The following STRIP1 variants were observed in gnomAD, a reference collection of about 807,000 sequenced individuals.
The protein encoded by STRIP1 is striatin interacting protein 1, also known as striatin-interacting protein 1.
In STRIP1, 63 loss-of-function variants were observed where a neutral mutation model predicts 106.2. That is an observed-to-expected ratio of 0.59 (90% CI 0.48 to 0.73). STRIP1 has a LOEUF of 0.73. STRIP1 is among the 30% of genes least tolerant of loss of function. STRIP1 has a pLI of 0.00. For synonymous variants in STRIP1, 390 were observed against 413.0 expected, an observed-to-expected ratio of 0.94 and a Z score of 0.67; for missense variants, 857 against 1,074.8, an observed-to-expected ratio of 0.80 and a Z score of 2.83.
intron 12 of STRIP1, among the ~76,000 whole-genome samples, chr1:110,045,666 ACAG>A: frequency 1.3e-5 from 2 of 152,230 alleles, no homozygotes; most frequent in Middle Eastern, 6.8e-3. Flanking sequence ...GCTTAAGAAC[ACAG>A]CAGTAGTGTC....
In STRIP1 at chr1:110,043,398, C is replaced by T. The variant is rs576970472; in HGVS notation, c.1068+128C>T. On this transcript the variant is annotated intron_variant, in intron 9 of 20. Coordinates refer to ENST00000369795, the MANE Select transcript of STRIP1 (RefSeq NM_033088.4). ...TCAGCCAGTCAGAATCATGCCTCCA[C>T]AGCGAGGATACTTTGTCCCCAGCTC... 96 of 1,048,098 alleles carry T rather than the reference C, an allele frequency of 9.2e-5. No individual in the cohort carries two copies. In the South Asian group the frequency reaches 1.2e-3, roughly 13 times the overall value. The allele number at this position is 1,048,098 out of a possible 1,614,324, so 64.9% of individuals were successfully genotyped here. A position where few individuals can be genotyped will look rare whatever the true frequency, so the allele number is the denominator to read the frequency against.
chr1:110,051,283 C>G (rs1411991478), intron 19 of STRIP1, among the ~76,000 whole-genome samples: 1 of 152,212 alleles, frequency 6.6e-6, no homozygotes, highest in African/African-American at 2.4e-5. Context: ...TATAGAAGAA[C>G]TTTTTCCATG....
At chr1:110,051,475 AG>A (rs1166977668) in intron 19 of STRIP1, among the ~76,000 whole-genome samples, 1 of 152,214 alleles carries the variant, frequency 6.6e-6, no homozygotes, top group Non-Finnish European at 1.5e-5. Context: ...ACACATAGTT[AG>A]GGTGACCAAC....
chr1:110,046,528 G>T, intron 12 of STRIP1, 152 bp from the exon 13 acceptor site: 1 of 659,228 alleles, frequency 1.5e-6, no homozygotes, highest in Admixed American at 2.4e-5. Flanking sequence ...AATATCTGGG[G>T]TTTGGGATTT....
At chr1:110,039,687 A>G in intron 5 of STRIP1, 172 bp downstream of exon 5, 2 of 1,000,888 alleles carry the variant, frequency 2.0e-6, no homozygotes, top group East Asian at 2.7e-5. Flanking sequence ...CACCTTGAAG[A>G]TTAATGGAGA....
chr1:110,041,970 G>A, intron 8 of STRIP1, 109 bp downstream of exon 8: 1 of 1,286,634 alleles, frequency 7.8e-7, no homozygotes, highest in Non-Finnish European at 1.1e-6. Context: ...AAACTGCTTT[G>A]GTAAAAAAAA....
In STRIP1 at chr1:110,045,066, G is replaced by A. The variant is rs751489109; in HGVS notation, c.1404G>A (p.Lys468=). The change falls in exon 12 of 21, where the codon AAG becomes AAA. Residue 468 remains lysine, a synonymous_variant. Transcript: ENST00000369795. ...CCAGGCCAATCCACGAAAGCATCAA[G>A]ACTCTGAAACAGGTGAGTGGCTTTG... ...GLPRPIHESI[K]TLKQHKYTSI... 96 of 1,614,094 alleles carry A rather than the reference G, an allele frequency of 5.9e-5. 1 individual carries two copies. In the East Asian group the frequency reaches 1.3e-3, roughly 22 times the overall value.
chr1:110,051,816 A>G lies in STRIP1; in HGVS notation c.2195A>G (p.Asn732Ser). The G allele has an allele frequency of 6.2e-7, 1 of 1,613,648 alleles. No homozygotes were observed. The highest frequency in any genetic ancestry group is 8.5e-7 in the Non-Finnish European group (1 of 1,180,026). The change falls in exon 20 of 21, where the codon AAC (asparagine) becomes AGC (serine). Residue 732 changes from asparagine (N) to serine (S), a missense_variant. By Grantham distance (46) the Asn-to-Ser change is conservative. This residue lies in a region of STRIP1 where 750 missense variants were observed against 989.8 expected (regional missense o/e 0.76). Transcript: ENST00000369795. ...TTGGGGCGGCAGTGGCGAAAGAGCA[A>G]CATGAAGACCATGTCTGCCATCTAC... ...KYLGRQWRKSNMKTMSAIYQK... is the reference protein window; with the variant it reads ...KYLGRQWRKSSMKTMSAIYQK...
At chr1:110,040,538 A>G in intron 5 of STRIP1, 97 bp from the exon 6 acceptor site, 8 of 1,192,906 alleles carry the variant, frequency 6.7e-6, no homozygotes, top group Non-Finnish European at 9.5e-6. Flanking sequence ...CCAAGCACGT[A>G]TCACAGCATT....
At chr1:110,034,978 C>T (rs1356227697) in intron 1 of STRIP1, among the ~76,000 whole-genome samples, 161 bp downstream of exon 1, 1 of 152,236 alleles carries the variant, frequency 6.6e-6, no homozygotes. Context: ...GCGAGGCTGG[C>T]AGCTCCTGGG....
Position 110,054,065 on chromosome 1 carries a change from C to T in STRIP1, c.*153C>T. 4.8e-6 allele frequency: 4 copies of T among 839,566 alleles called. No homozygotes were observed. Among genetic ancestry groups the T allele is most frequent in the Non-Finnish European group, 3.7e-6 (2 of 542,796 alleles). 52.0% of individuals were successfully genotyped at this position (839,566 alleles called of 1,614,324 possible). ...GCAGTCTGTCCTGGGCTTGGGTGAG[C>T]CCAGCTTGACCTCCCCTTGGTTCCC... On this transcript the variant is annotated 3_prime_UTR_variant, in exon 21 of 21. Coordinates refer to ENST00000369795, the MANE Select transcript of STRIP1 (RefSeq NM_033088.4).
chr1:110,053,351 G>C (rs530126613), intron 20 of STRIP1, among the ~76,000 whole-genome samples: 51 of 152,358 alleles, frequency 3.3e-4, no homozygotes, highest in African/African-American at 1.1e-3. Flanking sequence ...CAAAGGAGAA[G>C]ATCTCCAGGT....
At chr1:110,044,798 T>G in intron 10 of STRIP1, 42 bp from the exon 11 acceptor site, 4 of 1,605,210 alleles carry the variant, frequency 2.5e-6, no homozygotes, top group Non-Finnish European at 3.4e-6. Flanking sequence ...TAGCATTTGC[T>G]AAAAACCTTT....
intron 5 of STRIP1, chr1:110,039,773 G>A (rs571739232): frequency 1.0e-5 from 13 of 1,299,260 alleles, no homozygotes; most frequent in South Asian, 7.5e-5. Flanking sequence ...CAGGCCTGGG[G>A]TGCTCCTCAG....
chr1:110,036,659 A>G (rs1043681175), intron 1 of STRIP1, among the ~76,000 whole-genome samples: 16 of 152,346 alleles, frequency 1.1e-4, no homozygotes, highest in African/African-American at 3.1e-4. Flanking sequence ...ATGAGAGCCC[A>G]CTATGTACTA....
intron 17 of STRIP1, 120 bp from the exon 18 acceptor site, chr1:110,050,223 A>AT: frequency 1.1e-6 from 1 of 903,014 alleles, no homozygotes; most frequent in South Asian, 1.5e-5. Context: ...CATCAGGTAG[A>AT]TTCCTACTTC....
chr1:110,046,499 CAAAAAA>C (rs1372864153), intron 12 of STRIP1, among the ~76,000 whole-genome samples, 175 bp from the exon 13 acceptor site: 1 of 151,740 alleles, frequency 6.6e-6, no homozygotes, highest in South Asian at 2.1e-4. Context: ...GACTTCATCT[CAAAAAA>C]ATAAAAATAA....
rs775026887 is a variant in STRIP1, at chr1:110,039,313, A to T, written c.460+7A>T. The T allele has an allele frequency of 8.7e-6, 14 of 1,613,982 alleles. No individual in the cohort carries two copies. Among genetic ancestry groups the T allele is most frequent in the African/African-American group, 2.7e-5 (2 of 74,908 alleles). On this transcript the variant is annotated splice_region_variant and intron_variant, in intron 4 of 20. Coordinates refer to ENST00000369795, the MANE Select transcript of STRIP1 (RefSeq NM_033088.4). ...ATTCTCTATGTTGCTCAAGGTATTGAGTGGACCTCCCCAGGGTTCCCTGGC... is the reference window on the plus strand; with the variant it reads ...ATTCTCTATGTTGCTCAAGGTATTGTGTGGACCTCCCCAGGGTTCCCTGGC...
In STRIP1 at chr1:110,047,816, A is replaced by C; in HGVS notation, c.1608A>C (p.Lys536Asn). 1 of 1,570,014 alleles carries C rather than the reference A, an allele frequency of 6.4e-7. No individual in the cohort carries two copies. Among genetic ancestry groups the C allele is most frequent in the Non-Finnish European group, 8.6e-7 (1 of 1,156,224 alleles). Residue 536 changes from lysine (K) to asparagine (N), a missense_variant, in exon 15 of 21, where the codon AAA becomes AAC. This residue lies in a region of STRIP1 where 750 missense variants were observed against 989.8 expected (regional missense o/e 0.76). Transcript: ENST00000369795. ...KILLAAAPTS[K>N]AKTDSINILA... ...TGTTGGCTGCAGCACCCACCTCAAA[A>C]GCCAAAACAGACTCAATCAACATCC...
Sources: gnomAD v4.1 joint callset for allele counts (sites outside exome capture counted in the v4.1 genomes callset) on GRCh38, gnomAD v4.1.1 for gene constraint, gnomAD v4.1.1 regional missense constraint, MANE v1.5 for transcripts, NCBI Gene and HGNC (gene_info 2026-07-23, HGNC 2026-07-21) for gene names.